The following CAMTA1 variants were observed in gnomAD, a reference collection of about 807,000 sequenced individuals.
The protein encoded by CAMTA1 is calmodulin binding transcription activator 1, also known as calmodulin-binding transcription activator 1.
A neutral mutation model predicts 170.9 loss-of-function variants in CAMTA1; 27 were observed. The ratio of observed to expected loss-of-function variants is 0.16; its 90% CI spans 0.12 to 0.22. The LOEUF is 0.22. CAMTA1 is among the 10% of genes least tolerant of loss of function. The probability of loss-of-function intolerance (pLI) is 1.00; values close to 1 mark genes in which losing one functional copy is unlikely to be tolerated. For missense variants in CAMTA1, 1,619 were observed against 2,217.2 expected (o/e 0.73, Z 5.42); for synonymous variants, 833 against 891.5 (o/e 0.93, Z 1.17).
chr1:7,153,271 A>T (rs1384366555), intron 4 of CAMTA1, among the ~76,000 whole-genome samples: 1 of 152,220 alleles, frequency 6.6e-6, no homozygotes, highest in Non-Finnish European at 1.5e-5. Context: ...GTTGCCTTGT[A>T]AAACAGAACA....
At chr1:7,636,432 C>T (rs1158889474) in intron 6 of CAMTA1, among the ~76,000 whole-genome samples, 3 of 152,158 alleles carry the variant, frequency 2.0e-5, no homozygotes, top group Non-Finnish European at 2.9e-5. Flanking sequence ...AGAAAGGCTT[C>T]CCGGCCGGGT....
In CAMTA1 at chr1:7,284,265, G is replaced by A. The variant is rs570016203; in HGVS notation, c.438+34639G>A. 6.6e-4 allele frequency among the ~76,000 whole-genome samples: 99 copies of A among 150,330 alleles called. 1 individual carries two copies. Among genetic ancestry groups the A allele is most frequent in the Non-Finnish European group, 5.0e-4 (34 of 67,706 alleles). ...GTCACCCAGGCTGGAGTGCAGTGGC[G>A]TAATCTTGGCTCACTGCAACCTTTG... On this transcript the variant is annotated intron_variant, in intron 5 of 22. Transcript: ENST00000303635.
At chr1:6,940,738 A>C (rs1232283466) in intron 3 of CAMTA1, among the ~76,000 whole-genome samples, 2 of 152,078 alleles carry the variant, frequency 1.3e-5, no homozygotes, top group East Asian at 3.9e-4. Context: ...ACTGGGGATT[A>C]CTGGAGCCCT....
chr1:7,008,382 CT>C (rs1572397897), intron 3 of CAMTA1: 1 of 152,346 alleles, frequency 6.6e-6, no homozygotes, highest in African/African-American at 2.4e-5. Context: ...GGTTTCGTGG[CT>C]TGTTTGTTGC....
intron 4 of CAMTA1, among the ~76,000 whole-genome samples, chr1:7,106,836 G>A (rs1475566062): frequency 6.6e-6 from 1 of 151,998 alleles, no homozygotes; most frequent in African/African-American, 2.4e-5. Context: ...CTTCCAACAA[G>A]CAGATGGCTT....
chr1:7,740,365 C>T (rs887923165), intron 16 of CAMTA1, among the ~76,000 whole-genome samples: 5 of 152,204 alleles, frequency 3.3e-5, no homozygotes, highest in Non-Finnish European at 7.3e-5. Context: ...CATAAACAGG[C>T]AGCTGGCTGA....
chr1:7,354,572 A>G (rs1416995688), intron 5 of CAMTA1, among the ~76,000 whole-genome samples: 1 of 152,170 alleles, frequency 6.6e-6, no homozygotes, highest in Non-Finnish European at 1.5e-5. Context: ...TTTACCTTTG[A>G]GTATATACTC....
At chr1:7,103,845 TACACACAACACACATAC>T (rs1234761508) in intron 4 of CAMTA1, among the ~76,000 whole-genome samples, 1 of 82,458 alleles carries the variant, frequency 1.2e-5, no homozygotes, top group Non-Finnish European at 2.2e-5. Flanking sequence ...TACACACATG[TACACACAACACACATAC>T]ACACACACAC....
intron 6 of CAMTA1, among the ~76,000 whole-genome samples, chr1:7,543,156 C>T (rs552011192): frequency 1.3e-5 from 2 of 152,300 alleles, no homozygotes; most frequent in East Asian, 3.9e-4. Context: ...TGTGAAACAC[C>T]ACACCCAGCC....
intron 4 of CAMTA1, among the ~76,000 whole-genome samples, chr1:7,179,632 CAACCTATT>C (rs1012070286): frequency 6.6e-6 from 1 of 152,076 alleles, no homozygotes; most frequent in African/African-American, 2.4e-5. Flanking sequence ...AAATGAAAAA[CAACCTATT>C]AACTCTTGGA....
chr1:7,231,728 C>T (rs1350561125), intron 4 of CAMTA1, among the ~76,000 whole-genome samples: 1 of 152,196 alleles, frequency 6.6e-6, no homozygotes, highest in Non-Finnish European at 1.5e-5. Context: ...TGACAGCTCC[C>T]CTATGCGGCA....
chr1:7,769,087 G>A lies in CAMTA1; in HGVS notation c.*2596G>A, dbSNP rs963225550. The A allele has an allele frequency of 6.6e-6, 1 of 152,582 alleles. No homozygotes were observed. Among genetic ancestry groups the A allele is most frequent in the African/African-American group, 2.4e-5 (1 of 41,376 alleles). 9.5% of individuals were successfully genotyped at this position (152,582 alleles called of 1,614,324 possible). ...ATGGTAGAGACTTCCATAGAATTAA[G>A]AGGGTTCTCATGGAGGGGATAGGAA... On this transcript the variant is annotated 3_prime_UTR_variant, in exon 23 of 23. Transcript: ENST00000303635.
chr1:7,686,368 T>C (rs2096257809), intron 11 of CAMTA1, among the ~76,000 whole-genome samples: 1 of 151,558 alleles, frequency 6.6e-6, no homozygotes, highest in African/African-American at 2.4e-5. Context: ...CAAGCTGGGG[T>C]ATGAGTGACA....
chr1:7,713,076 A>T (rs2096583295), intron 11 of CAMTA1, among the ~76,000 whole-genome samples: 1 of 152,202 alleles, frequency 6.6e-6, no homozygotes, highest in South Asian at 2.1e-4. Context: ...GAGAGGTTGG[A>T]TTAAAGAAGT....
rs1317335947 is a variant in CAMTA1 at position 7,768,355 on chromosome 1, T to C, written c.*1864T>C. The stretch of plus-strand genomic sequence containing the variant: ...CTAATGTTAAATTGAGAGAATAAAG[T>C]TCGTATTTGCTGATGCCAGTTTAAA... On this transcript the variant is annotated 3_prime_UTR_variant, in exon 23 of 23. Coordinates refer to ENST00000303635, the MANE Select transcript of CAMTA1 (RefSeq NM_015215.4). The C allele has an allele frequency of 6.5e-6, 1 of 152,760 alleles. No individual in the cohort carries two copies. Among genetic ancestry groups the C allele is most frequent in the Admixed American group, 6.5e-5 (1 of 15,270 alleles). The allele number at this position is 152,760 out of a possible 1,614,324, so 9.5% of individuals were successfully genotyped here. A position where few individuals can be genotyped will look rare whatever the true frequency, so the allele number is the denominator to read the frequency against.
intron 3 of CAMTA1, among the ~76,000 whole-genome samples, chr1:6,827,639 C>T (rs1017513783): frequency 1.3e-5 from 2 of 151,940 alleles, no homozygotes; most frequent in Admixed American, 6.6e-5. Context: ...CATTTTCTTA[C>T]GTTCTTCAGC....
At chr1:7,610,047 G>T (rs186200754) in intron 6 of CAMTA1, among the ~76,000 whole-genome samples, 144 of 152,322 alleles carry the variant, frequency 9.5e-4, no homozygotes, top group Middle Eastern at 3.4e-3. Flanking sequence ...CAAAGGGGGA[G>T]CTGCTTCTCA....
chr1:7,060,610 G>A (rs1708058742), intron 3 of CAMTA1, among the ~76,000 whole-genome samples: 1 of 152,294 alleles, frequency 6.6e-6, no homozygotes, highest in South Asian at 2.1e-4. Flanking sequence ...GCCTGTACAC[G>A]TGTCTTAGAC....
At chr1:6,963,270 GGCCCCCCCC>G (rs1394465968) in intron 3 of CAMTA1, among the ~76,000 whole-genome samples, 77 of 5,464 alleles carry the variant, frequency 0.014, 7 homozygotes, top group Non-Finnish European at 0.025. Flanking sequence ...CCACCCACCT[GGCCCCCCCC>G]CCCCCCCCGC....
Sources: gnomAD v4.1 joint callset for allele counts (sites outside exome capture counted in the v4.1 genomes callset) on GRCh38, gnomAD v4.1.1 for gene constraint, MANE v1.5 for transcripts, NCBI Gene and HGNC (gene_info 2026-07-23, HGNC 2026-07-21) for gene names.